Variants in PSD3 observed in about 807,000 individuals in gnomAD.
PSD3 encodes the protein pleckstrin and Sec7 domain containing 3, also known as PH and SEC7 domain-containing protein 3.
A neutral mutation model predicts 105.5 loss-of-function variants in PSD3; 49 were observed. That is an observed-to-expected ratio of 0.46 (90% CI 0.37 to 0.59). The LOEUF (loss-of-function observed/expected upper bound fraction) is 0.59, where lower values mean the gene tolerates loss of function less well. PSD3 is among the 20% of genes least tolerant of loss of function. The probability of loss-of-function intolerance (pLI) is 0.00; values close to 1 mark genes in which losing one functional copy is unlikely to be tolerated. For missense variants in PSD3, 1,561 were observed against 1,263.8 expected (o/e 1.24, Z -3.57); for synonymous variants, 557 against 457.8 (o/e 1.22, Z -2.77).
At chr8:18,553,036 G>A (rs1800870090) in intron 15 of PSD3, among the ~76,000 whole-genome samples, 1 of 152,012 alleles carries the variant, frequency 6.6e-6, no homozygotes, top group East Asian at 1.9e-4. Context: ...AGAAAGAGAG[G>A]TAAATTTGGC....
At chr8:19,074,603 ATATATATATTTTTTTTTT>A (rs1829391483) in intron 1 of PSD3, among the ~76,000 whole-genome samples, 1 of 58,994 alleles carries the variant, frequency 1.7e-5, no homozygotes. Flanking sequence ...ATATATATAT[ATATATATATTTTTTTTTT>A]TTTTTTTTTT....
At chr8:18,817,944 G>GT (rs1203442578) in intron 4 of PSD3, among the ~76,000 whole-genome samples, 2 of 152,102 alleles carry the variant, frequency 1.3e-5, no homozygotes, top group East Asian at 1.9e-4. Context: ...TATGCATTAC[G>GT]TTTTTTGTTT....
chr8:18,750,757 TAC>T (rs2129437795), intron 9 of PSD3, among the ~76,000 whole-genome samples: 1 of 152,088 alleles, frequency 6.6e-6, no homozygotes, highest in African/African-American at 2.4e-5. Context: ...ATTAGTTAGA[TAC>T]AGAGTATGGA....
chr8:18,856,201 G>A (rs1374723048), intron 4 of PSD3, among the ~76,000 whole-genome samples: 5 of 152,120 alleles, frequency 3.3e-5, no homozygotes, highest in African/African-American at 2.4e-5. Flanking sequence ...AAGGACCTCC[G>A]TGACATCCCA....
At position 18,867,906 on chromosome 8, in the gene PSD3, G is replaced by T. The variant is rs375192713; in HGVS notation, c.1402C>A (p.Pro468Thr). The part of the protein sequence containing the change: ...AESLETLYSE[P>T]DSYFSFEMPL... ...ATTTCAAAGCTAAAATAGCTATCAGGCTCTGAGTATAATGTCTCCAGGGAC... is the reference window on the plus strand; with the variant it reads ...ATTTCAAAGCTAAAATAGCTATCAGTCTCTGAGTATAATGTCTCCAGGGAC... Residue 468 changes from proline (P) to threonine (T), a missense_variant, in exon 4 of 16, where the codon CCT becomes ACT. By Grantham distance (38) the Pro-to-Thr change is conservative (BLOSUM62 -1). Transcript: ENST00000327040. 9 of 1,614,160 alleles carry T rather than the reference G, an allele frequency of 5.6e-6. No homozygotes were observed. Among genetic ancestry groups the T allele is most frequent in the Non-Finnish European group, 6.8e-6 (8 of 1,180,028 alleles).
rs1037642683 is a variant in PSD3 at position 18,655,742 on chromosome 8, A to G, written c.2173-57T>C. On this transcript the variant is annotated intron_variant, in intron 9 of 15. Transcript: ENST00000327040. ...CTTTCCATTCTGTTCCACATTTTGA[A>G]TTCAGCAAATGACCAAGTAATTCCT... The G allele has an allele frequency of 8.7e-5, 131 of 1,512,056 alleles. No homozygotes were observed. In the Admixed American group the frequency reaches 2.1e-3, roughly 24 times the overall value. 93.7% of individuals were successfully genotyped at this position (1,512,056 alleles called of 1,614,324 possible).
chr8:18,808,369 T>C (rs1811389395), intron 4 of PSD3, among the ~76,000 whole-genome samples: 1 of 152,226 alleles, frequency 6.6e-6, no homozygotes. Context: ...ACATATACAG[T>C]ACTGGCCCAA....
At chr8:18,827,779 A>G (rs1380912441) in intron 4 of PSD3, among the ~76,000 whole-genome samples, 1 of 151,754 alleles carries the variant, frequency 6.6e-6, no homozygotes, top group Non-Finnish European at 1.5e-5. Flanking sequence ...GTTGAATTTG[A>G]GGCCAATTAT....
In PSD3 at chr8:18,867,809, C is replaced by T; in HGVS notation, c.1499G>A (p.Gly500Glu). 2 of 1,614,134 alleles carry T rather than the reference C, an allele frequency of 1.2e-6. No individual in the cohort carries two copies. Among genetic ancestry groups the T allele is most frequent in the South Asian group, 2.2e-5 (2 of 91,074 alleles). ...AGACACACTCAGGATATCCTGATGT[C>T]CTCCCCCTGATGTCCTCTCCAAGAA... ...GQFLERTSGG[G>E]HQDILSVSAD... is the part of the protein sequence containing the mutation. The change falls in exon 4 of 16, where the codon GGA becomes GAA. Residue 500 changes from glycine to glutamate, a missense_variant. By Grantham distance (98) the Gly-to-Glu change is moderately conservative. Transcript: ENST00000327040.
intron 9 of PSD3, among the ~76,000 whole-genome samples, chr8:18,760,805 C>G (rs971164712): frequency 6.6e-6 from 1 of 152,118 alleles, no homozygotes; most frequent in African/African-American, 2.4e-5. Flanking sequence ...CTGACACAGT[C>G]AAGAGTCCAT....
At chr8:18,983,261 G>A (rs758561902) in intron 1 of PSD3, among the ~76,000 whole-genome samples, 6 of 152,212 alleles carry the variant, frequency 3.9e-5, no homozygotes, top group African/African-American at 7.2e-5. Context: ...TTTGTTTTAC[G>A]TGAATGTTGT....
chr8:19,013,759 G>C (rs1489228944), upstream of PSD3: 3 of 319,562 alleles, frequency 9.4e-6, no homozygotes, highest in Non-Finnish European at 1.5e-5. Context: ...GCGAGCCCGC[G>C]GCAGCCGCCC....
intron 12 of PSD3, among the ~76,000 whole-genome samples, chr8:18,577,223 T>C (rs1376891814): frequency 6.6e-6 from 1 of 152,042 alleles, no homozygotes; most frequent in Non-Finnish European, 1.5e-5. Context: ...TTTAGTTATA[T>C]ATTATTAGAT....
At chr8:18,900,105 T>C (rs1291757405) in intron 2 of PSD3, among the ~76,000 whole-genome samples, 1 of 152,232 alleles carries the variant, frequency 6.6e-6, no homozygotes, top group East Asian at 1.9e-4. Flanking sequence ...TTCTTGGCTG[T>C]CTGCTGCTTC....
intron 11 of PSD3, among the ~76,000 whole-genome samples, chr8:18,602,865 C>G (rs761523121): frequency 1.3e-5 from 2 of 152,154 alleles, no homozygotes; most frequent in Admixed American, 6.5e-5. Flanking sequence ...TAATGAATGA[C>G]AAGCACTGGT....
intron 2 of PSD3, among the ~76,000 whole-genome samples, chr8:18,889,387 G>A (rs368339676): frequency 1.3e-5 from 2 of 152,058 alleles, no homozygotes; most frequent in South Asian, 2.1e-4. Flanking sequence ...ACCCCTGTGC[G>A]AGCGTGCCTG....
chr8:19,084,530 G>T (rs768816617), exon 1 of PSD3: 3 of 411,372 alleles, frequency 7.3e-6, no homozygotes, highest in African/African-American at 2.0e-5. Flanking sequence ...CATCACTCAT[G>T]ATGGGAGCTG....
At chr8:19,045,167 G>C (rs1828273489) in intron 1 of PSD3, among the ~76,000 whole-genome samples, 1 of 151,834 alleles carries the variant, frequency 6.6e-6, no homozygotes, top group African/African-American at 2.4e-5. Flanking sequence ...CCAGGGTGAC[G>C]GAGCAAGACT....
At chr8:18,808,775 A>G (rs555685294) in intron 4 of PSD3, 1 of 1,614,038 alleles carries the variant, frequency 6.2e-7, no homozygotes, top group South Asian at 1.1e-5. Context: ...ACAGACACCA[A>G]GAAGAGCCCA....
Sources: gnomAD v4.1 joint callset for allele counts (sites outside exome capture counted in the v4.1 genomes callset) on GRCh38, gnomAD v4.1.1 for gene constraint, MANE v1.5 for transcripts, NCBI Gene and HGNC (gene_info 2026-07-23, HGNC 2026-07-21) for gene names.